Variants in ASTN1 observed in about 807,000 individuals in gnomAD.
ASTN1 encodes astrotactin 1.
A neutral mutation model predicts 140.7 loss-of-function variants in ASTN1; 41 were observed. The ratio of observed to expected loss-of-function variants is 0.29; its 90% confidence interval spans 0.23 to 0.38. ASTN1 has a LOEUF of 0.38. Among genes scored for constraint, ASTN1 ranks in the 10% least tolerant of loss-of-function variants. The pLI is 1.00. For synonymous variants in ASTN1, 640 were observed against 652.2 expected, an observed-to-expected ratio of 0.98 and a Z score of 0.29; for missense variants, 1,479 against 1,678.8, an observed-to-expected ratio of 0.88 and a Z score of 2.08.
At position 176,863,427 on chromosome 1, in the gene ASTN1, T is replaced by C; in HGVS notation, c.*857A>G. The C allele has an allele frequency of 1.0e-6, 1 of 985,818 alleles. No homozygotes were observed. 61.1% of individuals were successfully genotyped at this position (985,818 alleles called of 1,614,324 possible). A position where few individuals can be genotyped will look rare whatever the true frequency, so the allele number is the denominator to read the frequency against. On this transcript the variant is annotated 3_prime_UTR_variant, in exon 23 of 23. Coordinates refer to ENST00000361833, the MANE Select transcript of ASTN1 (RefSeq NM_004319.3). ...GATATATATTGGTAGGCTGGAGAAG[T>C]CTATCCAAAGGAAGCATGGTTTTTT...
intron 1 of ASTN1, among the ~76,000 whole-genome samples, chr1:177,128,516 A>C (rs1681783296): frequency 6.6e-6 from 1 of 152,234 alleles, no homozygotes; most frequent in Non-Finnish European, 1.5e-5. Context: ...CTTCATTTGG[A>C]GAACTAACAG....
rs74918316 is a variant in ASTN1, at chr1:176,894,815, T to C, written c.2687A>G (p.Asp896Gly). 1 of 1,613,782 alleles carries C rather than the reference T, an allele frequency of 6.2e-7. No individual in the cohort carries two copies. Among genetic ancestry groups the C allele is most frequent in the South Asian group, 1.1e-5 (1 of 91,084 alleles). ...EDISKGNSPS[D>G]ESEERERDPK... ...GTCTCTTTCCCGCTCCTCAGACTCA[T>C]CTGATGGGGAGTTGCCTGCAGACAC... is the stretch of plus-strand genomic sequence containing the variant. Residue 896 changes from aspartate (D) to glycine (G), a missense_variant, in exon 17 of 23, where the codon GAT (aspartate) becomes GGT (glycine). By Grantham distance (94) the Asp-to-Gly change is moderately conservative. This residue lies in a region of ASTN1 where 746 missense variants were observed against 800.9 expected (regional missense o/e 0.93). Transcript: ENST00000361833.
At chr1:177,031,212 T>A (rs1676423204) in intron 3 of ASTN1, among the ~76,000 whole-genome samples, 1 of 152,188 alleles carries the variant, frequency 6.6e-6, no homozygotes, top group South Asian at 2.1e-4. Context: ...TATTATAATA[T>A]TCTGTATTGA....
intron 8 of ASTN1, among the ~76,000 whole-genome samples, chr1:176,975,613 C>T (rs955488850): frequency 6.6e-6 from 1 of 152,186 alleles, no homozygotes; most frequent in Admixed American, 6.5e-5. Context: ...TTTCATGGGG[C>T]ATGTATTAGC....
At chr1:176,984,110 A>G (rs1673765808) in intron 8 of ASTN1, among the ~76,000 whole-genome samples, 2 of 152,228 alleles carry the variant, frequency 1.3e-5, no homozygotes, top group Non-Finnish European at 2.9e-5. Context: ...GCTGTCCTCC[A>G]TACCTCATCG....
chr1:177,142,902 AAG>A (rs869037815), intron 1 of ASTN1, among the ~76,000 whole-genome samples: 1 of 137,240 alleles, frequency 7.3e-6, no homozygotes, highest in East Asian at 2.3e-4. Flanking sequence ...GAAAAAAAAA[AAG>A]GGGGGGAGGG....
At chr1:176,986,261 C>G (rs228001) in intron 8 of ASTN1, among the ~76,000 whole-genome samples, 1 of 152,164 alleles carries the variant, frequency 6.6e-6, no homozygotes, top group Non-Finnish European at 1.5e-5. Flanking sequence ...GTTCTGATCA[C>G]TCCAGAGGTG....
intron 1 of ASTN1, among the ~76,000 whole-genome samples, chr1:177,148,087 T>C (rs1055191225): frequency 2.0e-5 from 3 of 152,170 alleles, no homozygotes; most frequent in Non-Finnish European, 4.4e-5. Context: ...ATCTTCTTTA[T>C]CATTTACATC....
At chr1:177,035,678 C>A (rs1335315001) in intron 2 of ASTN1, among the ~76,000 whole-genome samples, 1 of 152,172 alleles carries the variant, frequency 6.6e-6, no homozygotes, top group African/African-American at 2.4e-5. Flanking sequence ...AACTTAGGGA[C>A]CCATTGCATA....
At chr1:176,969,136 A>G (rs922896112) in intron 8 of ASTN1, among the ~76,000 whole-genome samples, 3 of 152,154 alleles carry the variant, frequency 2.0e-5, no homozygotes, top group African/African-American at 7.2e-5. Context: ...AGTGCAAGTG[A>G]AAGTAAGAAA....
At chr1:176,949,889 G>C (rs1017623863) in intron 11 of ASTN1, among the ~76,000 whole-genome samples, 2 of 152,170 alleles carry the variant, frequency 1.3e-5, no homozygotes, top group Admixed American at 1.3e-4. Flanking sequence ...AAGCTTAGAG[G>C]GGGGTTGCTC....
intron 8 of ASTN1, among the ~76,000 whole-genome samples, chr1:176,997,511 G>T (rs895616251): frequency 6.6e-5 from 10 of 152,010 alleles, no homozygotes; most frequent in African/African-American, 2.2e-4. Flanking sequence ...GTGATGGGTT[G>T]TGAGGATATC....
At chr1:176,871,910 T>C (rs12068725) in intron 21 of ASTN1, among the ~76,000 whole-genome samples, 15,738 of 152,220 alleles carry the variant, frequency 0.1, 920 homozygotes, top group African/African-American at 0.17. Context: ...ATAGATAAGA[T>C]GCAGGTGAAA....
chr1:177,049,463 T>C (rs920915402), intron 2 of ASTN1, among the ~76,000 whole-genome samples: 29 of 152,310 alleles, frequency 1.9e-4, no homozygotes, highest in African/African-American at 6.3e-4. Context: ...AGAGGTTGCA[T>C]AAAAATATGC....
intron 11 of ASTN1, among the ~76,000 whole-genome samples, chr1:176,953,470 C>A (rs1417071278): frequency 6.6e-6 from 1 of 152,172 alleles, no homozygotes; most frequent in East Asian, 1.9e-4. Flanking sequence ...TTTTGATGGG[C>A]TCTGACATGC....
At chr1:176,994,780 G>A (rs1399741113) in intron 8 of ASTN1, among the ~76,000 whole-genome samples, 1 of 152,162 alleles carries the variant, frequency 6.6e-6, no homozygotes, top group African/African-American at 2.4e-5. Flanking sequence ...TAAGGTTGTA[G>A]TGAAGATTAA....
intron 20 of ASTN1, among the ~76,000 whole-genome samples, chr1:176,881,463 C>T (rs967237721): frequency 3.9e-5 from 6 of 152,156 alleles, no homozygotes; most frequent in African/African-American, 9.7e-5. Context: ...GATTTAGTCA[C>T]AACTGAAGGA....
intron 2 of ASTN1, among the ~76,000 whole-genome samples, chr1:177,048,106 C>T (rs956170433): frequency 2.0e-5 from 3 of 152,104 alleles, no homozygotes; most frequent in African/African-American, 4.8e-5. Context: ...CAGGTGAAAA[C>T]GAACTTCAGA....
Position 176,861,757 on chromosome 1 carries a change from T to C in ASTN1, c.*2527A>G, listed in dbSNP as rs1264193970. 1.0e-6 allele frequency: 1 copy of C among 985,078 alleles called. No homozygotes were observed. The highest frequency in any genetic ancestry group is 1.2e-6 in the Non-Finnish European group (1 of 829,924). The allele number at this position is 985,078 out of a possible 1,614,324, so 61.0% of individuals were successfully genotyped here. On this transcript the variant is annotated 3_prime_UTR_variant, in exon 23 of 23. Coordinates refer to ENST00000361833, the MANE Select transcript of ASTN1 (RefSeq NM_004319.3). ...AACGAGAAACAGGAGGAAGAAAGTC[T>C]TGGGGAAAGAGGAGGCCAAAAAAGG...
Sources: gnomAD v4.1 joint callset for allele counts (sites outside exome capture counted in the v4.1 genomes callset) on GRCh38, gnomAD v4.1.1 for gene constraint, gnomAD v4.1.1 regional missense constraint, MANE v1.5 for transcripts, NCBI Gene and HGNC (gene_info 2026-07-23, HGNC 2026-07-21) for gene names.